MGAM: variants seen among roughly 807,000 people sequenced by gnomAD.
MGAM encodes the protein maltase-glucoamylase.
MGAM carries 253 observed loss-of-function variants against 358.8 expected under a neutral mutation model. The observed-to-expected ratio is 0.71, with a 90% CI of 0.64 to 0.78. The LOEUF (loss-of-function observed/expected upper bound fraction) is 0.78. MGAM is among the 30% of genes least tolerant of loss of function. MGAM has a pLI of 0.00. For synonymous variants in MGAM, 1,105 were observed against 1,227.1 expected, an observed-to-expected ratio of 0.90 and a Z score of 2.08; for missense variants, 3,080 against 3,432.6, an observed-to-expected ratio of 0.90 and a Z score of 2.57.
chr7:142,045,185 A>G (rs530427369), intron 21 of MGAM, among the ~76,000 whole-genome samples: 1,921 of 69,192 alleles, frequency 0.028, 49 homozygotes, highest in Admixed American at 0.055. Flanking sequence ...TATAACATAT[A>G]TGATATATAA....
At chr7:142,029,093 T>A (rs1807221819) in intron 10 of MGAM, among the ~76,000 whole-genome samples, 1 of 152,160 alleles carries the variant, frequency 6.6e-6, no homozygotes, top group Admixed American at 6.5e-5. Context: ...GGCTCACACT[T>A]GTAATCCCAG....
intron 60 of MGAM, among the ~76,000 whole-genome samples, chr7:142,093,919 A>G (rs1358041314): frequency 6.9e-6 from 1 of 145,302 alleles, no homozygotes; most frequent in Non-Finnish European, 1.6e-5. Flanking sequence ...AAAGTGAATC[A>G]TCTTTGGAGT....
chr7:142,074,869 T>C (rs370390914), intron 45 of MGAM, among the ~76,000 whole-genome samples: 1 of 146,616 alleles, frequency 6.8e-6, no homozygotes, highest in African/African-American at 2.4e-5. Context: ...ATTTAATATA[T>C]GTAGGCATAG....
intron 34 of MGAM, among the ~76,000 whole-genome samples, chr7:142,061,813 G>C (rs1287721471): frequency 6.6e-6 from 1 of 152,148 alleles, no homozygotes; most frequent in Non-Finnish European, 1.5e-5. Flanking sequence ...TAAACACTGA[G>C]TATGTATTTT....
intron 69 of MGAM, 28 bp from the exon 70 acceptor site, chr7:142,103,241 T>C (rs376209866): frequency 2.5e-5 from 39 of 1,530,646 alleles, no homozygotes; most frequent in South Asian, 7.6e-5. Context: ...TCTGCTATTA[T>C]ATTTTTCTTT....
chr7:142,060,998 T>C (rs6963697), intron 34 of MGAM, among the ~76,000 whole-genome samples: 22,092 of 152,012 alleles, frequency 0.15, 2,995 homozygotes, highest in East Asian at 0.37. Context: ...TAGTCCATGC[T>C]TCTGGACCTG....
intron 1 of MGAM, among the ~76,000 whole-genome samples, chr7:142,003,843 A>G (rs1804935765): frequency 6.6e-6 from 1 of 151,620 alleles, no homozygotes; most frequent in Non-Finnish European, 1.5e-5. Flanking sequence ...ACTCAACAGG[A>G]AAAAAAACAC....
chr7:142,017,537 T>C (rs1806062134), intron 3 of MGAM, among the ~76,000 whole-genome samples: 1 of 152,210 alleles, frequency 6.6e-6, no homozygotes, highest in Admixed American at 6.5e-5. Context: ...CTTTGTCCTT[T>C]CCAGTTTAAT....
At chr7:142,058,716 A>C (rs902002068) in intron 31 of MGAM, among the ~76,000 whole-genome samples, 2 of 152,220 alleles carry the variant, frequency 1.3e-5, no homozygotes, top group African/African-American at 4.8e-5. Flanking sequence ...TCAATCAGAC[A>C]ATTGTATATG....
chr7:142,033,744 A>G (rs1212708180), intron 14 of MGAM, among the ~76,000 whole-genome samples: 1 of 152,164 alleles, frequency 6.6e-6, no homozygotes, highest in African/African-American at 2.4e-5. Context: ...AAATAGATAC[A>G]TAGGAGGTAA....
intron 18 of MGAM, among the ~76,000 whole-genome samples, chr7:142,038,001 TCTAA>T (rs1419951881): frequency 6.6e-6 from 1 of 152,160 alleles, no homozygotes; most frequent in African/African-American, 2.4e-5. Flanking sequence ...ATTCATTCTT[TCTAA>T]CTATTTTTTT....
At chr7:142,102,819 C>G (rs550678450) in intron 69 of MGAM, 140 bp downstream of exon 69, 19 of 864,688 alleles carry the variant, frequency 2.2e-5, no homozygotes, top group Middle Eastern at 2.3e-4. Flanking sequence ...CTCTAGACTT[C>G]CGGTGGAAAT....
rs541362658 is a variant in MGAM, at chr7:142,078,502, A to G, written c.5646+32A>G. On this transcript the variant is annotated intron_variant, in intron 48 of 70. Transcript: ENST00000475668. The stretch of plus-strand genomic sequence containing the variant: ...ATGCTGATGGGGTTCATGTGCATGA[A>G]AATCTCCACACCTAATCTATAGTTT... The G allele has an allele frequency of 5.8e-5, 88 of 1,509,606 alleles. 3 individuals carry two copies. In the African/African-American group the frequency reaches 9.8e-4, roughly 17 times the overall value. 93.5% of individuals were successfully genotyped at this position (1,509,606 alleles called of 1,614,324 possible). A position where few individuals can be genotyped will look rare whatever the true frequency, so the allele number is the denominator to read the frequency against.
In MGAM at chr7:142,077,451, C is replaced by T. The variant is rs572318221; in HGVS notation, c.5493+625C>T. On this transcript the variant is annotated intron_variant, in intron 47 of 70. Coordinates refer to ENST00000475668, the MANE Select transcript of MGAM (RefSeq NM_001365693.1). ...TAGAATGTGATTTTATTACTCCAGA[C>T]GTGTGAGAACTTTAACTTGGGAAGT... 6.0e-4 allele frequency among the ~76,000 whole-genome samples: 87 copies of T among 145,238 alleles called. 5 individuals carry two copies. Among genetic ancestry groups the T allele is most frequent in the African/African-American group, 1.9e-3 (80 of 41,054 alleles).
At chr7:142,088,996 G>GTATC (rs71166560) in intron 57 of MGAM, among the ~76,000 whole-genome samples, 22,932 of 117,734 alleles carry the variant, frequency 0.19, 4,293 homozygotes, top group Admixed American at 0.33. Flanking sequence ...ATGTATGTAT[G>GTATC]TATCTATCTA....
Position 142,045,728 on chromosome 7 carries a change from A to G in MGAM, c.2499-2057A>G, listed in dbSNP as rs567795377. ...AATATATAATATATAATATATACAT[A>G]CAATGTATGAATATATAATATATAT... On this transcript the variant is annotated intron_variant, in intron 21 of 70. Coordinates refer to ENST00000475668, the MANE Select transcript of MGAM (RefSeq NM_001365693.1). 8.1e-3 allele frequency among the ~76,000 whole-genome samples: 619 copies of G among 76,512 alleles called. 105 individuals are homozygous for G. Among genetic ancestry groups the G allele is most frequent in the African/African-American group, 0.032 (592 of 18,368 alleles). 50.2% of individuals were successfully genotyped at this position (76,512 alleles called of 152,430 possible). A position where few individuals can be genotyped will look rare whatever the true frequency, so the allele number is the denominator to read the frequency against.
At chr7:142,101,001 T>C (rs1429058485) in intron 68 of MGAM, 111 bp downstream of exon 68, 6 of 944,242 alleles carry the variant, frequency 6.4e-6, no homozygotes, top group South Asian at 1.7e-5. Flanking sequence ...CATTTTAAAA[T>C]ATAATCATTT....
In MGAM at chr7:142,082,511, A is replaced by G. The variant is rs755355608; in HGVS notation, c.6208A>G (p.Met2070Val). The change falls in exon 52 of 71, where the codon ATG (methionine) becomes GTG (valine). Residue 2070 changes from methionine to valine, a missense_variant. Around this residue, in one of 5 missense-constraint regions of MGAM, gnomAD observed 932 missense variants for 1,198.2 expected, o/e 0.78. Coordinates refer to ENST00000475668, the MANE Select transcript of MGAM (RefSeq NM_001365693.1). ...KNSYGVHPYY[M>V]GLEEDGSAHG... Reference sequence around the variant, plus strand: ...TTCCTATGGTGTCCACCCCTACTACATGGGGCTAGAGGAGGATGGCAGTGC... The same window carrying G: ...TTCCTATGGTGTCCACCCCTACTACGTGGGGCTAGAGGAGGATGGCAGTGC... 4.6e-6 allele frequency: 7 copies of G among 1,535,700 alleles called. No homozygotes were observed. Among genetic ancestry groups the G allele is most frequent in the East Asian group, 2.3e-5 (1 of 43,158 alleles).
At chr7:142,011,087 G>A (rs1359123277) in intron 3 of MGAM, among the ~76,000 whole-genome samples, 1 of 152,136 alleles carries the variant, frequency 6.6e-6, no homozygotes, top group Non-Finnish European at 1.5e-5. Context: ...AAACCCGCAT[G>A]CCCTAAGTAA....
Sources: allele counts gnomAD v4.1 joint callset (sites outside exome capture counted in the v4.1 genomes callset), GRCh38; gene constraint gnomAD v4.1.1; regional missense constraint gnomAD v4.1.1; transcripts MANE v1.5; gene names NCBI Gene and HGNC (gene_info 2026-07-23, HGNC 2026-07-21).